The following NALF1 variants were observed in gnomAD, a reference collection of about 807,000 sequenced individuals.
NALF1 encodes NALCN channel auxiliary factor 1.
NALF1 carries 3 observed loss-of-function variants against 48.4 expected under a neutral mutation model. The ratio of observed to expected loss-of-function variants is 0.06; its 90% CI spans 0.03 to 0.16. NALF1 has a LOEUF of 0.16. NALF1 is among the 10% of genes least tolerant of loss of function. NALF1 has a pLI of 1.00. For missense variants in NALF1, 526 were observed against 571.5 expected (o/e 0.92, Z 0.81); for synonymous variants, 262 against 245.7 (o/e 1.07, Z -0.62).
intron 1 of NALF1, among the ~76,000 whole-genome samples, chr13:107,440,117 T>C (rs1220989868): frequency 6.6e-6 from 1 of 152,234 alleles, no homozygotes; most frequent in East Asian, 1.9e-4. Context: ...GATTTTCTAG[T>C]TCAACAACCT....
At chr13:107,756,880 G>C (rs180895992) in intron 1 of NALF1, among the ~76,000 whole-genome samples, 1 of 152,254 alleles carries the variant, frequency 6.6e-6, no homozygotes, top group African/African-American at 2.4e-5. Context: ...ATATGATTTT[G>C]TTGTAATGAC....
chr13:107,237,332 G>A (rs911523655), intron 1 of NALF1, among the ~76,000 whole-genome samples: 6 of 152,010 alleles, frequency 3.9e-5, no homozygotes, highest in African/African-American at 1.4e-4. Context: ...AACTAAGTAT[G>A]AAGAAAAGCA....
intron 1 of NALF1, among the ~76,000 whole-genome samples, chr13:107,234,321 C>A (rs766732363): frequency 6.6e-6 from 1 of 152,186 alleles, no homozygotes; most frequent in African/African-American, 2.4e-5. Context: ...GGGAGATGCT[C>A]GGTGACTTTG....
At chr13:107,418,144 C>A (rs184793246) in intron 1 of NALF1, among the ~76,000 whole-genome samples, 1 of 152,158 alleles carries the variant, frequency 6.6e-6, no homozygotes, top group Admixed American at 6.5e-5. Context: ...TTGTTCTCTA[C>A]GAGTTTGGCC....
intron 1 of NALF1, among the ~76,000 whole-genome samples, chr13:107,345,442 T>C (rs898671037): frequency 6.6e-6 from 1 of 152,174 alleles, no homozygotes; most frequent in Non-Finnish European, 1.5e-5. Context: ...GGTATGGTAT[T>C]GGCATAAAGA....
At chr13:107,861,567 G>T (rs1880568832) in intron 1 of NALF1, among the ~76,000 whole-genome samples, 1 of 152,186 alleles carries the variant, frequency 6.6e-6, no homozygotes, top group African/African-American at 2.4e-5. Flanking sequence ...GGCAGATCAC[G>T]AGGTCAGGAG....
At position 107,273,927 on chromosome 13, in the gene NALF1, G is replaced by A. The variant is rs185906093; in HGVS notation, c.916-63172C>T. Among the ~76,000 whole-genome samples the A allele has an allele frequency of 2.1e-3, 326 of 152,250 alleles. 1 individual carries two copies. Among genetic ancestry groups the A allele is most frequent in the Admixed American group, 4.1e-3 (62 of 15,288 alleles). The stretch of plus-strand genomic sequence containing the variant: ...GGGTAGTTCCCTGCAGCTTGCTGGG[G>A]AGAGGAATCGTCATGCTCATGAGCT... On this transcript the variant is annotated intron_variant, in intron 1 of 2. Transcript: ENST00000375915.
intron 1 of NALF1, among the ~76,000 whole-genome samples, chr13:107,623,817 T>C (rs916238487): frequency 6.6e-6 from 1 of 152,134 alleles, no homozygotes; most frequent in Non-Finnish European, 1.5e-5. Context: ...ATGAACTAGA[T>C]AATACTTCGT....
rs144245786 is a variant in NALF1, at chr13:107,488,820, G to C, written c.916-278065C>G. Among the ~76,000 whole-genome samples the C allele has an allele frequency of 8.9e-3, 1,362 of 152,254 alleles. 22 individuals carry two copies. Among genetic ancestry groups the C allele is most frequent in the African/African-American group, 0.031 (1,297 of 41,554 alleles). On this transcript the variant is annotated intron_variant, in intron 1 of 2. Transcript: ENST00000375915. ...AATAAGGGGCATTCAAACAGGAAGA[G>C]AGGAAGTCAAATTATCCCTGTTTGC...
chr13:107,764,089 CT>C (rs955058658), intron 1 of NALF1, among the ~76,000 whole-genome samples: 71 of 152,248 alleles, frequency 4.7e-4, no homozygotes, highest in African/African-American at 1.6e-3. Context: ...CTTTTATTTT[CT>C]TCTACTTCTT....
intron 1 of NALF1, among the ~76,000 whole-genome samples, chr13:107,612,620 C>T (rs1452074815): frequency 1.3e-5 from 2 of 152,086 alleles, no homozygotes; most frequent in Non-Finnish European, 2.9e-5. Flanking sequence ...TCAGAGAGAG[C>T]TCCTCCTCCC....
intron 1 of NALF1, among the ~76,000 whole-genome samples, chr13:107,719,143 T>C (rs1395798574): frequency 6.6e-6 from 1 of 152,246 alleles, no homozygotes; most frequent in Non-Finnish European, 1.5e-5. Flanking sequence ...ACCAAAAAGA[T>C]TCTTCAATAA....
At chr13:107,497,628 A>C (rs1445085764) in intron 1 of NALF1, among the ~76,000 whole-genome samples, 1 of 152,182 alleles carries the variant, frequency 6.6e-6, no homozygotes, top group Non-Finnish European at 1.5e-5. Flanking sequence ...TTTTTAAATA[A>C]AAGCAAACAA....
At chr13:107,865,168 G>A (rs748288438) in intron 1 of NALF1, among the ~76,000 whole-genome samples, 4 of 152,172 alleles carry the variant, frequency 2.6e-5, no homozygotes, top group African/African-American at 9.6e-5. Context: ...GTAAAAACAG[G>A]TAATTCTTTT....
intron 1 of NALF1, among the ~76,000 whole-genome samples, chr13:107,521,633 T>G (rs1876241794): frequency 1.3e-5 from 2 of 152,178 alleles, no homozygotes. Context: ...GCTTTGCTTT[T>G]GTCTTTTAAT....
At chr13:107,386,782 G>A (rs74937877) in intron 1 of NALF1, among the ~76,000 whole-genome samples, 2,053 of 152,190 alleles carry the variant, frequency 0.013, 25 homozygotes, top group South Asian at 0.033. Context: ...CCTGTACCTC[G>A]AAAAACACTT....
intron 2 of NALF1, among the ~76,000 whole-genome samples, chr13:107,195,048 T>C (rs958391084): frequency 5.9e-5 from 9 of 152,154 alleles, no homozygotes; most frequent in African/African-American, 1.7e-4. Flanking sequence ...AATGGCCATA[T>C]TCAAAAAGTC....
chr13:107,805,027 C>T (rs1169918211), intron 1 of NALF1, among the ~76,000 whole-genome samples: 1 of 152,052 alleles, frequency 6.6e-6, no homozygotes, highest in Non-Finnish European at 1.5e-5. Context: ...AAATATAGCA[C>T]AATTTAGGTC....
At chr13:107,580,087 C>T (rs1378398567) in intron 1 of NALF1, among the ~76,000 whole-genome samples, 2 of 151,928 alleles carry the variant, frequency 1.3e-5, no homozygotes, top group Non-Finnish European at 1.5e-5. Flanking sequence ...GAAAATGTGG[C>T]ACATATACAC....
Sources: allele counts gnomAD v4.1 joint callset (sites outside exome capture counted in the v4.1 genomes callset), GRCh38; gene constraint gnomAD v4.1.1; transcripts MANE v1.5; gene names NCBI Gene and HGNC (gene_info 2026-07-23, HGNC 2026-07-21).